The following MCF2L2 variants were observed in gnomAD, a reference collection of about 807,000 sequenced individuals.
The protein encoded by MCF2L2 is probable guanine nucleotide exchange factor MCF2L2.
Under a neutral mutation model 150.2 loss-of-function variants are expected in MCF2L2, and 102 were observed. The observed-to-expected ratio is 0.68, with a 90% CI of 0.58 to 0.80. MCF2L2 has a LOEUF of 0.80. Among genes scored for constraint, MCF2L2 ranks in the 30% least tolerant of loss-of-function variants. The pLI is 0.00. For missense variants in MCF2L2, 1,256 were observed against 1,372.8 expected (o/e 0.91, Z 1.34); for synonymous variants, 465 against 491.3 (o/e 0.95, Z 0.71).
intron 7 of MCF2L2, among the ~76,000 whole-genome samples, chr3:183,313,240 C>T (rs921695047): frequency 2.6e-5 from 4 of 151,782 alleles, no homozygotes; most frequent in Non-Finnish European, 4.4e-5. Context: ...GCAACACACA[C>T]ACACACACAC....
intron 2 of MCF2L2, among the ~76,000 whole-genome samples, chr3:183,383,221 T>C (rs572406948): frequency 8.1e-5 from 12 of 149,008 alleles, no homozygotes; most frequent in Admixed American, 5.3e-4. Flanking sequence ...TATTTATTTA[T>C]TTATTTTATT....
At position 183,297,018 on chromosome 3, in the gene MCF2L2, C is replaced by G. The variant is rs1193894302; in HGVS notation, c.1455G>C (p.Glu485Asp). 6.2e-7 allele frequency: 1 copy of G among 1,613,974 alleles called. No individual in the cohort carries two copies. The highest frequency in any genetic ancestry group is 8.5e-7 in the Non-Finnish European group (1 of 1,180,004). The change falls in exon 12 of 30, where the codon GAG (glutamate) becomes GAC (aspartate). Residue 485 changes from glutamate to aspartate, a missense_variant. Coordinates refer to ENST00000328913, the MANE Select transcript of MCF2L2 (RefSeq NM_015078.4). The part of the protein sequence containing the change: ...VKEYPLLSPK[E>D]FYNEFELLLT... ...GCAGCAACTCAAACTCGTTGTAAAA[C>G]TCCTTGGGGCTGAGCAACGGGTACT...
At chr3:183,334,570 C>T (rs1384620946) in intron 5 of MCF2L2, among the ~76,000 whole-genome samples, 1 of 150,780 alleles carries the variant, frequency 6.6e-6, no homozygotes, top group African/African-American at 2.4e-5. Flanking sequence ...GGTGGATCAC[C>T]TGAGGTCAGG....
intron 1 of MCF2L2, among the ~76,000 whole-genome samples, chr3:183,404,318 C>G (rs771046027): frequency 6.6e-6 from 1 of 152,124 alleles, no homozygotes; most frequent in Non-Finnish European, 1.5e-5. Flanking sequence ...ATAGGCATCA[C>G]CAGAAGGCTA....
chr3:183,412,288 T>A (rs1560064200), intron 1 of MCF2L2, among the ~76,000 whole-genome samples: 1 of 151,448 alleles, frequency 6.6e-6, no homozygotes, highest in Non-Finnish European at 1.5e-5. Context: ...TGTTTGTTTG[T>A]TTGTTGTTGT....
intron 3 of MCF2L2, among the ~76,000 whole-genome samples, chr3:183,368,438 C>T (rs745373654): frequency 5.9e-5 from 9 of 152,062 alleles, no homozygotes; most frequent in Non-Finnish European, 1.2e-4. Flanking sequence ...CAGTAGGGTT[C>T]AGTAGTTGAG....
chr3:183,376,497 A>G (rs1713196087), intron 3 of MCF2L2: 1 of 152,232 alleles, frequency 6.6e-6, no homozygotes, highest in African/African-American at 2.4e-5. Flanking sequence ...CCACTGGGCC[A>G]AAGACAGAGT....
chr3:183,405,864 AG>A (rs1441160161), intron 1 of MCF2L2, among the ~76,000 whole-genome samples: 3 of 152,074 alleles, frequency 2.0e-5, no homozygotes, highest in Non-Finnish European at 4.4e-5. Context: ...TATAGGCGCA[AG>A]CCACCATGCC....
chr3:183,355,066 T>C (rs567015051), intron 3 of MCF2L2, among the ~76,000 whole-genome samples: 3 of 150,316 alleles, frequency 2.0e-5, no homozygotes, highest in African/African-American at 7.3e-5. Context: ...ATATTATTTA[T>C]TATTCATTAT....
chr3:183,423,399 T>C (rs538043649), intron 1 of MCF2L2, among the ~76,000 whole-genome samples: 9 of 152,296 alleles, frequency 5.9e-5, no homozygotes, highest in East Asian at 1.9e-4. Flanking sequence ...GTCACCAAAA[T>C]AGCCACCAAT....
intron 5 of MCF2L2, among the ~76,000 whole-genome samples, chr3:183,326,288 T>C (rs1730020999): frequency 6.6e-6 from 1 of 151,972 alleles, no homozygotes; most frequent in African/African-American, 2.4e-5. Context: ...GGTCAGGAGT[T>C]CGAGACTAGC....
At chr3:183,281,631 C>A (rs1171109760) in intron 14 of MCF2L2, among the ~76,000 whole-genome samples, 1 of 152,122 alleles carries the variant, frequency 6.6e-6, no homozygotes, top group African/African-American at 2.4e-5. Context: ...GCCCATCATT[C>A]ATGCATTGTG....
chr3:183,408,444 C>T (rs989405158), intron 1 of MCF2L2, among the ~76,000 whole-genome samples: 3 of 152,336 alleles, frequency 2.0e-5, no homozygotes, highest in South Asian at 2.1e-4. Flanking sequence ...CAGGATGCTG[C>T]GGCTGCAGCA....
At chr3:183,255,656 A>G (rs923310900) in intron 15 of MCF2L2, among the ~76,000 whole-genome samples, 3 of 152,212 alleles carry the variant, frequency 2.0e-5, no homozygotes, top group African/African-American at 7.2e-5. Context: ...AGAGATGCTT[A>G]TAACTGCTCT....
intron 15 of MCF2L2, chr3:183,272,148 A>T: frequency 1.0e-6 from 1 of 1,000,312 alleles, no homozygotes; most frequent in Non-Finnish European, 1.2e-6. Context: ...AAGCATTTTT[A>T]AAGCTGCATG....
intron 2 of MCF2L2, among the ~76,000 whole-genome samples, chr3:183,385,194 G>A (rs946573626): frequency 6.6e-6 from 1 of 152,124 alleles, no homozygotes; most frequent in African/African-American, 2.4e-5. Flanking sequence ...AAAATTCATT[G>A]TATCTGTTTA....
At chr3:183,397,193 T>C (rs1714513581) in intron 1 of MCF2L2, among the ~76,000 whole-genome samples, 1 of 152,236 alleles carries the variant, frequency 6.6e-6, no homozygotes, top group Non-Finnish European at 1.5e-5. Flanking sequence ...TATAACAAAA[T>C]ACCTTCGACT....
intron 3 of MCF2L2, among the ~76,000 whole-genome samples, chr3:183,342,062 A>C (rs1730721369): frequency 6.6e-6 from 1 of 152,212 alleles, no homozygotes; most frequent in Admixed American, 6.5e-5. Context: ...GAGTAATGAG[A>C]GAGGTGTTTA....
At chr3:183,371,345 A>G (rs1712862140) in intron 3 of MCF2L2, among the ~76,000 whole-genome samples, 1 of 152,102 alleles carries the variant, frequency 6.6e-6, no homozygotes, top group African/African-American at 2.4e-5. Flanking sequence ...ATCAATCTAT[A>G]CACGTAAGAT....
Sources: allele counts gnomAD v4.1 joint callset (sites outside exome capture counted in the v4.1 genomes callset), GRCh38; gene constraint gnomAD v4.1.1; transcripts MANE v1.5; gene names NCBI Gene and HGNC (gene_info 2026-07-23, HGNC 2026-07-21).